CPED1: variants seen among roughly 807,000 people sequenced by gnomAD.
CPED1 encodes cadherin like and PC-esterase domain containing 1, also known as cadherin-like and PC-esterase domain-containing protein 1.
CPED1 carries 114 observed loss-of-function variants against 128.2 expected under a neutral mutation model. The ratio of observed to expected loss-of-function variants is 0.89; its 90% CI spans 0.76 to 1.04. The LOEUF is 1.04. CPED1 is among the 50% of genes least tolerant of loss of function. CPED1 has a pLI of 0.00. For synonymous variants in CPED1, 462 were observed against 426.7 expected, an observed-to-expected ratio of 1.08 and a Z score of -1.02; for missense variants, 1,211 against 1,207.1, an observed-to-expected ratio of 1.00 and a Z score of -0.05.
chr7:121,228,132 A>G (rs1432952921), intron 16 of CPED1, among the ~76,000 whole-genome samples: 1 of 152,092 alleles, frequency 6.6e-6, no homozygotes, highest in African/African-American at 2.4e-5. Flanking sequence ...ACAGGCAACT[A>G]AACCAAAAAT....
At chr7:121,140,442 C>G (rs565999423) in intron 14 of CPED1, among the ~76,000 whole-genome samples, 166 of 152,122 alleles carry the variant, frequency 1.1e-3, no homozygotes, top group African/African-American at 3.8e-3. Flanking sequence ...TCCTCTTCTG[C>G]CACCATCCCA....
At chr7:121,256,142 C>CCAAAAA (rs1791867758) in intron 18 of CPED1, among the ~76,000 whole-genome samples, 1 of 69,736 alleles carries the variant, frequency 1.4e-5, no homozygotes, top group African/African-American at 4.7e-5. Flanking sequence ...AAAAAAAAAA[C>CCAAAAA]AAAGCTTATG....
At chr7:121,234,317 A>G (rs2116659248) in intron 16 of CPED1, among the ~76,000 whole-genome samples, 1 of 152,220 alleles carries the variant, frequency 6.6e-6, no homozygotes, top group South Asian at 2.1e-4. Flanking sequence ...TTAGTGTCAC[A>G]CAGCCGGTTC....
intron 7 of CPED1, among the ~76,000 whole-genome samples, chr7:121,110,347 A>G (rs1456471202): frequency 6.6e-6 from 1 of 152,204 alleles, no homozygotes; most frequent in Non-Finnish European, 1.5e-5. Flanking sequence ...TTAATTATAC[A>G]CATATAAAGA....
At chr7:121,256,135 A>AAAAAAAAAAAAAAAAAAAAAAAAAAAAAC (rs1562852781) in intron 18 of CPED1, among the ~76,000 whole-genome samples, 1 of 148,878 alleles carries the variant, frequency 6.7e-6, no homozygotes, top group African/African-American at 2.5e-5. Context: ...AAAACAAAAA[A>AAAAAAAAAAAAAAAAAAAAAAAAAAAAAC]AAAAAACAAA....
chr7:121,188,101 T>A (rs997704449), intron 16 of CPED1, among the ~76,000 whole-genome samples: 1 of 152,170 alleles, frequency 6.6e-6, no homozygotes, highest in African/African-American at 2.4e-5. Context: ...TATAAAATAG[T>A]GTTTGTCTTT....
chr7:121,056,351 CT>C (rs1793499027), intron 4 of CPED1, among the ~76,000 whole-genome samples: 1 of 151,946 alleles, frequency 6.6e-6, no homozygotes, highest in Non-Finnish European at 1.5e-5. Context: ...ATAAGTTTAC[CT>C]TGTTAATTCT....
intron 7 of CPED1, among the ~76,000 whole-genome samples, chr7:121,123,846 GC>G (rs1196786579): frequency 6.6e-6 from 1 of 152,226 alleles, no homozygotes; most frequent in Non-Finnish European, 1.5e-5. Flanking sequence ...GTTCTAATAT[GC>G]CCCCAAAATT....
chr7:121,102,647 A>G (rs569061376), intron 7 of CPED1, among the ~76,000 whole-genome samples: 1 of 152,316 alleles, frequency 6.6e-6, no homozygotes, highest in East Asian at 1.9e-4. Context: ...CTTTCTCCCA[A>G]GAAATTTAGC....
intron 7 of CPED1, among the ~76,000 whole-genome samples, chr7:121,117,007 CACAT>C (rs1357063854): frequency 2.7e-5 from 4 of 147,682 alleles, no homozygotes; most frequent in African/African-American, 7.5e-5. Flanking sequence ...TATACACACA[CACAT>C]ATATATACAC....
intron 22 of CPED1, among the ~76,000 whole-genome samples, chr7:121,285,819 AT>A (rs890979288): frequency 5.3e-5 from 8 of 152,042 alleles, no homozygotes; most frequent in Non-Finnish European, 1.2e-4. Flanking sequence ...AGTTCCAAAC[AT>A]TTTCCTGTCT....
intron 5 of CPED1, among the ~76,000 whole-genome samples, chr7:121,095,191 T>C (rs993951448): frequency 1.3e-5 from 2 of 152,110 alleles, no homozygotes; most frequent in Non-Finnish European, 2.9e-5. Flanking sequence ...TCTAGGCTCT[T>C]TGAGTGTGTT....
At chr7:121,131,962 GTTTT>G (rs34040961) in intron 12 of CPED1, among the ~76,000 whole-genome samples, 1 of 141,408 alleles carries the variant, frequency 7.1e-6, no homozygotes, top group East Asian at 2.1e-4. Context: ...TGGGGGTAAT[GTTTT>G]TTTTTTTTTA....
intron 5 of CPED1, among the ~76,000 whole-genome samples, chr7:121,077,294 T>C (rs1488190308): frequency 1.3e-5 from 2 of 152,164 alleles, no homozygotes; most frequent in Non-Finnish European, 2.9e-5. Flanking sequence ...GAGAAGGAAG[T>C]TAATGAAAAT....
chr7:121,117,077 T>TTTTATA (rs377516668), intron 7 of CPED1, among the ~76,000 whole-genome samples: 4 of 128,776 alleles, frequency 3.1e-5, no homozygotes, highest in African/African-American at 6.0e-5. Context: ...TATATACACA[T>TTTTATA]TATATATATA....
At chr7:121,066,151 T>C (rs1331747200) in intron 5 of CPED1, among the ~76,000 whole-genome samples, 1 of 152,128 alleles carries the variant, frequency 6.6e-6, no homozygotes, top group African/African-American at 2.4e-5. Context: ...AAAGGTGTAA[T>C]AGTAAAACTA....
intron 18 of CPED1, among the ~76,000 whole-genome samples, chr7:121,250,584 T>TA (rs1368546230): frequency 6.6e-6 from 1 of 150,414 alleles, no homozygotes; most frequent in Admixed American, 6.6e-5. Flanking sequence ...GCAAGACTAA[T>TA]AAGAAAAGAA....
chr7:121,104,813 C>A (rs1794933117), intron 7 of CPED1, among the ~76,000 whole-genome samples: 1 of 152,100 alleles, frequency 6.6e-6, no homozygotes, highest in African/African-American at 2.4e-5. Context: ...AAGAAATTGC[C>A]TGAGTCTACT....
At chr7:121,232,061 G>A (rs539055073) in intron 16 of CPED1, among the ~76,000 whole-genome samples, 12 of 152,076 alleles carry the variant, frequency 7.9e-5, no homozygotes, top group Non-Finnish European at 1.8e-4. Context: ...CCACAGTAGA[G>A]GGTAACACAA....
Sources: allele counts gnomAD v4.1 joint callset (sites outside exome capture counted in the v4.1 genomes callset), GRCh38; gene constraint gnomAD v4.1.1; transcripts MANE v1.5; gene names NCBI Gene and HGNC (gene_info 2026-07-23, HGNC 2026-07-21).